Variants in SPATA6 observed in about 807,000 individuals in gnomAD.
SPATA6 encodes the protein spermatogenesis-associated protein 6.
A neutral mutation model predicts 65.3 loss-of-function variants in SPATA6; 56 were observed. The observed-to-expected ratio is 0.86, with a 90% CI of 0.69 to 1.07. The LOEUF is 1.07. Ranked by LOEUF, SPATA6 falls within the 50% of genes least tolerant of loss-of-function variation. The pLI is 0.00. For synonymous variants in SPATA6, 199 were observed against 213.2 expected (o/e 0.93, Z 0.58); for missense variants, 590 against 594.8 (o/e 0.99, Z 0.08).
At chr1:48,280,191 C>T in the SPATA6 span, among the ~76,000 whole-genome samples, 18 of 149,356 alleles carry the variant, frequency 1.2e-4, no homozygotes, top group Admixed American at 2.0e-4. Context: ...CAGTGTGTAG[C>T]GGGAAATTTA....
At chr1:48,357,117 A>C (rs1260814012) in intron 10 of SPATA6, among the ~76,000 whole-genome samples, 1 of 152,186 alleles carries the variant, frequency 6.6e-6, no homozygotes, top group East Asian at 1.9e-4. Context: ...CTTGCTTGCC[A>C]GTCTAATTTC....
intron 9 of SPATA6, among the ~76,000 whole-genome samples, chr1:48,367,091 T>G (rs575606205): frequency 1.0e-3 from 156 of 152,322 alleles, no homozygotes; most frequent in African/African-American, 3.7e-3. Flanking sequence ...TCAGTTTCCA[T>G]GTAGTTGAGT....
rs186196035 is a variant in SPATA6 at position 48,409,373 on chromosome 1, C to T, written c.405+2091G>A. 1.7e-3 allele frequency among the ~76,000 whole-genome samples: 257 copies of T among 152,358 alleles called. 1 individual carries two copies. The highest frequency in any genetic ancestry group is 3.4e-3 in the Middle Eastern group (1 of 294). On this transcript the variant is annotated intron_variant, in intron 5 of 12. Coordinates refer to ENST00000371847, the MANE Select transcript of SPATA6 (RefSeq NM_019073.4). ...GGGCAGCTCCGCCCCTGTGGCTTTG[C>T]AGGGTATAGCCTCCCTAATGGCTGC...
chr1:48,385,274 A>T, intron 9 of SPATA6, 35 bp downstream of exon 9: 1 of 1,568,240 alleles, frequency 6.4e-7, no homozygotes, highest in Non-Finnish European at 8.6e-7. Context: ...TCTGAAAGCC[A>T]GAACAATTAT....
At chr1:48,359,216 T>C (rs1313504058) in intron 10 of SPATA6, among the ~76,000 whole-genome samples, 2 of 152,148 alleles carry the variant, frequency 1.3e-5, no homozygotes, top group Non-Finnish European at 1.5e-5. Context: ...AATATATAGA[T>C]AGCCATTATG....
At chr1:48,344,169 G>C (rs1469724297) in intron 11 of SPATA6, 1 of 152,080 alleles carries the variant, frequency 6.6e-6, no homozygotes, top group Non-Finnish European at 1.5e-5. Flanking sequence ...TATGAAAGAA[G>C]ATATTTCTTG....
At chr1:48,312,771 C>A (rs1340945997) in intron 11 of SPATA6, among the ~76,000 whole-genome samples, 1 of 152,086 alleles carries the variant, frequency 6.6e-6, no homozygotes, top group East Asian at 1.9e-4. Flanking sequence ...GAAGTTAGAA[C>A]CCATGGCAAA....
intron 6 of SPATA6, among the ~76,000 whole-genome samples, chr1:48,402,330 A>G (rs567397680): frequency 1.3e-5 from 2 of 152,266 alleles, no homozygotes; most frequent in South Asian, 4.1e-4. Flanking sequence ...TCAGACAAAA[A>G]GTTAAAAAGA....
chr1:48,444,597 G>A (rs955601901), intron 3 of SPATA6, among the ~76,000 whole-genome samples: 4 of 152,186 alleles, frequency 2.6e-5, no homozygotes, highest in South Asian at 2.1e-4. Flanking sequence ...TCTGTAACAT[G>A]GACCAAACAG....
chr1:48,392,492 C>A (rs2147897835), intron 8 of SPATA6, among the ~76,000 whole-genome samples: 1 of 152,088 alleles, frequency 6.6e-6, no homozygotes, highest in South Asian at 2.1e-4. Flanking sequence ...CTACAATGTG[C>A]TTGAAAATTT....
At chr1:48,315,694 A>G (rs1645391990) in intron 11 of SPATA6, among the ~76,000 whole-genome samples, 1 of 152,192 alleles carries the variant, frequency 6.6e-6, no homozygotes, top group Non-Finnish European at 1.5e-5. Context: ...GGCCACGGCA[A>G]TGAGGCAGGA....
At position 48,351,562 on chromosome 1, in the gene SPATA6, A is replaced by T. The variant is rs143827653; in HGVS notation, c.1194+4108T>A. The stretch of plus-strand genomic sequence containing the variant: ...TTTTTTGGGTCTGCTGAAACTACAT[A>T]TAAGAAATATGCTTTTTCTTAATCA... On this transcript the variant is annotated intron_variant, in intron 11 of 12. Coordinates refer to ENST00000371847, the MANE Select transcript of SPATA6 (RefSeq NM_019073.4). Among the ~76,000 whole-genome samples the T allele has an allele frequency of 3.9e-5, 6 of 152,210 alleles. No individual in the cohort carries two copies. The East Asian group carries it at 1.2e-3, about 29-fold the overall frequency.
intron 11 of SPATA6, among the ~76,000 whole-genome samples, chr1:48,326,498 A>G (rs1445077412): frequency 6.6e-6 from 1 of 151,782 alleles, no homozygotes; most frequent in African/African-American, 2.4e-5. Flanking sequence ...ATTAGAAAAA[A>G]TAATCCTAAA....
intron 5 of SPATA6, among the ~76,000 whole-genome samples, chr1:48,410,875 G>A (rs1302788491): frequency 1.3e-5 from 2 of 152,194 alleles, no homozygotes; most frequent in African/African-American, 4.8e-5. Flanking sequence ...TTCAAGATGA[G>A]ATTTGGGTGG....
intron 11 of SPATA6, among the ~76,000 whole-genome samples, chr1:48,341,956 T>C (rs1646227265): frequency 6.6e-6 from 1 of 152,208 alleles, no homozygotes; most frequent in Admixed American, 6.5e-5. Flanking sequence ...GACTACTGTG[T>C]ACATGTTCAC....
the SPATA6 span, among the ~76,000 whole-genome samples, chr1:48,283,678 C>CAAAAA: frequency 1.6e-5 from 1 of 60,838 alleles, no homozygotes; most frequent in African/African-American, 6.1e-5. Flanking sequence ...GACTCCGTCT[C>CAAAAA]AAAAAAAAAA....
intron 11 of SPATA6, among the ~76,000 whole-genome samples, chr1:48,338,961 C>G (rs911177684): frequency 1.3e-5 from 2 of 151,992 alleles, no homozygotes; most frequent in Non-Finnish European, 2.9e-5. Flanking sequence ...TTAGTAGAAG[C>G]TGGTCTCTGT....
intron 1 of SPATA6, 62 bp downstream of exon 1, chr1:48,471,896 G>A: frequency 2.5e-6 from 4 of 1,587,698 alleles, no homozygotes; most frequent in African/African-American, 1.3e-5. Flanking sequence ...CCGGGCTCTC[G>A]GAGGTGACTG....
At chr1:48,385,572 TAGC>T (rs1235134336) in intron 8 of SPATA6, among the ~76,000 whole-genome samples, 1 of 152,168 alleles carries the variant, frequency 6.6e-6, no homozygotes, top group Admixed American at 6.5e-5. Flanking sequence ...CATTTGAAAA[TAGC>T]AGGAAATATC....
Sources: allele counts gnomAD v4.1 joint callset (sites outside exome capture counted in the v4.1 genomes callset), GRCh38; gene constraint gnomAD v4.1.1; transcripts MANE v1.5; gene names NCBI Gene and HGNC (gene_info 2026-07-23, HGNC 2026-07-21).